Variants in ASTN2 observed in about 807,000 individuals in gnomAD.
ASTN2 encodes astrotactin 2, also known as astrotactin-2.
In ASTN2, 54 loss-of-function variants were observed where a neutral mutation model predicts 139.8. The observed-to-expected ratio is 0.39, with a 90% CI of 0.31 to 0.48. ASTN2 has a LOEUF of 0.48. ASTN2 is among the 20% of genes least tolerant of loss of function. The probability of loss-of-function intolerance (pLI) is 0.95; values close to 1 mark genes in which losing one functional copy is unlikely to be tolerated. For synonymous variants in ASTN2, 756 were observed against 719.5 expected (o/e 1.05, Z -0.81); for missense variants, 1,565 against 1,725.1 (o/e 0.91, Z 1.64).
intron 1 of ASTN2, among the ~76,000 whole-genome samples, chr9:117,292,048 C>T (rs1284127842): frequency 1.3e-5 from 2 of 152,104 alleles, no homozygotes; most frequent in Non-Finnish European, 2.9e-5. Context: ...TTGCCCTGAG[C>T]GTGTTCCTCT....
At chr9:117,263,588 A>T (rs1411535962) in intron 2 of ASTN2, among the ~76,000 whole-genome samples, 2 of 152,222 alleles carry the variant, frequency 1.3e-5, no homozygotes, top group Non-Finnish European at 1.5e-5. Context: ...ACACAGGACA[A>T]TTTTAACTCC....
At chr9:117,030,702 A>C (rs933026478) in intron 6 of ASTN2, among the ~76,000 whole-genome samples, 1 of 152,032 alleles carries the variant, frequency 6.6e-6, no homozygotes, top group African/African-American at 2.4e-5. Flanking sequence ...AAATGGCTTA[A>C]ATTTTTTTTC....
intron 12 of ASTN2, among the ~76,000 whole-genome samples, chr9:116,819,827 G>A (rs1379073125): frequency 2.6e-5 from 4 of 152,212 alleles, no homozygotes; most frequent in Non-Finnish European, 2.9e-5. Flanking sequence ...AATGCTATAT[G>A]CAAGGTGCTG....
At chr9:116,884,330 A>G (rs529429647) in intron 10 of ASTN2, among the ~76,000 whole-genome samples, 58 of 152,120 alleles carry the variant, frequency 3.8e-4, no homozygotes, top group Non-Finnish European at 7.4e-4. Context: ...TTGGATAGTC[A>G]CTTCCTGTGA....
chr9:117,337,055 TA>T (rs1828909959), intron 1 of ASTN2, among the ~76,000 whole-genome samples: 1 of 152,134 alleles, frequency 6.6e-6, no homozygotes, highest in African/African-American at 2.4e-5. Flanking sequence ...AATGCATAAT[TA>T]AGAATAAATA....
At position 117,060,459 on chromosome 9, in the gene ASTN2, AGGAAGGAAGGAAGGAAG is replaced by A. The variant is rs1839242364; in HGVS notation, c.1277-20511_1277-20495del. Among the ~76,000 whole-genome samples, 128 of 88,598 alleles carry A rather than the reference AGGAAGGAAGGAAGGAAG, an allele frequency of 1.4e-3. 2 individuals carry two copies. Among genetic ancestry groups the A allele is most frequent in the South Asian group, 4.8e-3 (10 of 2,074 alleles). 58.1% of individuals were successfully genotyped at this position (88,598 alleles called of 152,430 possible). On this transcript the variant is annotated intron_variant, in intron 5 of 22. Transcript: ENST00000313400. ...GAGAGAGAGAGAAAGAAAGAAAGAA[AGGAAGGAAGGAAGGAAG>A]GAAGGAAGGAATGAAAGAAAGAAAG... is the stretch of plus-strand genomic sequence containing the variant.
In ASTN2 at chr9:116,698,410, A is replaced by G; in HGVS notation, c.2806+27361T>C. On this transcript the variant is annotated intron_variant, in intron 16 of 22. Transcript: ENST00000313400. The surrounding 1 kb of genome is among the most constrained non-coding windows in gnomAD (Gnocchi z 4.4). ...AAGTCCAATAGTCAAGTGGTAGAGG[A>G]GCAGAGTTACCTGCTTAACATTGCA... 1 of 1,614,084 alleles carries G rather than the reference A, an allele frequency of 6.2e-7. No individual in the cohort carries two copies. Among genetic ancestry groups the G allele is most frequent in the Non-Finnish European group, 8.5e-7 (1 of 1,180,010 alleles).
chr9:117,385,659 A>C (rs190266140), intron 1 of ASTN2, among the ~76,000 whole-genome samples: 2 of 151,984 alleles, frequency 1.3e-5, no homozygotes, highest in Admixed American at 1.3e-4. Flanking sequence ...AGCTCAAGCA[A>C]GCATGCACAA....
chr9:116,533,534 C>G (rs1221426688), intron 19 of ASTN2, among the ~76,000 whole-genome samples: 3 of 152,236 alleles, frequency 2.0e-5, no homozygotes, highest in African/African-American at 4.8e-5. Context: ...AGAAATGTCC[C>G]ATCAACACCT....
chr9:116,947,999 A>G (rs545770388), intron 10 of ASTN2, among the ~76,000 whole-genome samples: 3 of 152,214 alleles, frequency 2.0e-5, no homozygotes, highest in Non-Finnish European at 2.9e-5. Flanking sequence ...GCTTTTGACC[A>G]GCAACCCTTT....
chr9:117,153,377 C>T (rs1262156350), intron 3 of ASTN2, among the ~76,000 whole-genome samples: 1 of 152,104 alleles, frequency 6.6e-6, no homozygotes, highest in Non-Finnish European at 1.5e-5. Flanking sequence ...ACACTTCATT[C>T]TATCCTCCTT....
chr9:116,489,581 A>T (rs1188974413), intron 19 of ASTN2, among the ~76,000 whole-genome samples: 4 of 152,146 alleles, frequency 2.6e-5, no homozygotes, highest in Non-Finnish European at 5.9e-5. Context: ...TGGCCTCCCA[A>T]AGTGCTGAGA....
At chr9:116,457,876 TATATTGA>T (rs2118953237) in intron 20 of ASTN2, among the ~76,000 whole-genome samples, 1 of 152,052 alleles carries the variant, frequency 6.6e-6, no homozygotes, top group Admixed American at 6.6e-5. Context: ...AGGAAATCAG[TATATTGA>T]AGAGACATCT....
chr9:116,797,200 T>C (rs980142350), intron 13 of ASTN2, among the ~76,000 whole-genome samples: 2 of 152,240 alleles, frequency 1.3e-5, no homozygotes, highest in East Asian at 3.9e-4. Context: ...GATTCACTAG[T>C]ATATACTTAT....
chr9:116,831,372 A>G (rs918566413), intron 11 of ASTN2, among the ~76,000 whole-genome samples: 3 of 151,876 alleles, frequency 2.0e-5, no homozygotes, highest in Admixed American at 2.0e-4. Context: ...AATATAAATA[A>G]AGGTAACTGA....
At chr9:116,609,328 C>CTCTCTATATATA (rs140484650) in intron 19 of ASTN2, among the ~76,000 whole-genome samples, 79 of 122,532 alleles carry the variant, frequency 6.4e-4, no homozygotes, top group African/African-American at 2.4e-3. Context: ...CTCTCTCTCT[C>CTCTCTATATATA]TATATATATA....
At chr9:116,565,408 TA>T (rs1564120466) in intron 19 of ASTN2, among the ~76,000 whole-genome samples, 1 of 114,120 alleles carries the variant, frequency 8.8e-6, no homozygotes, top group East Asian at 2.2e-4. Flanking sequence ...TATATATATA[TA>T]TATATATATA....
intron 11 of ASTN2, among the ~76,000 whole-genome samples, chr9:116,855,668 C>T (rs1832721474): frequency 6.6e-6 from 1 of 152,148 alleles, no homozygotes; most frequent in Admixed American, 6.5e-5. Flanking sequence ...GGGAGGGTGT[C>T]TTCTGATGAA....
At chr9:116,434,872 A>G (rs958920635) in intron 22 of ASTN2, among the ~76,000 whole-genome samples, 7 of 152,226 alleles carry the variant, frequency 4.6e-5, no homozygotes, top group Admixed American at 3.3e-4. Context: ...TTTATTAGGC[A>G]GAGGTTAAGA....
Sources: allele counts gnomAD v4.1 joint callset (sites outside exome capture counted in the v4.1 genomes callset), GRCh38; gene constraint gnomAD v4.1.1; non-coding constraint Gnocchi (gnomAD v3.1); transcripts MANE v1.5; gene names NCBI Gene and HGNC (gene_info 2026-07-23, HGNC 2026-07-21).